CCDC88C: variants seen among roughly 807,000 people sequenced by gnomAD.
CCDC88C encodes protein Daple.
CCDC88C carries 131 observed loss-of-function variants against 198.8 expected under a neutral mutation model. The ratio of observed to expected loss-of-function variants is 0.66; its 90% CI spans 0.57 to 0.76. The LOEUF is 0.76. Ranked by LOEUF, CCDC88C falls within the 30% of genes least tolerant of loss-of-function variation. The pLI, the probability that CCDC88C is intolerant of heterozygous loss-of-function variation, is 0.00. For synonymous variants in CCDC88C, 1,166 were observed against 1,114.7 expected (o/e 1.05, Z -0.92); for missense variants, 2,553 against 2,631.6 (o/e 0.97, Z 0.65).
chr14:91,337,977 C>T, intron 10 of CCDC88C, 28 bp downstream of exon 10: 1 of 1,605,658 alleles, frequency 6.2e-7, no homozygotes, highest in Non-Finnish European at 8.5e-7. Flanking sequence ...GCAGCCCCAT[C>T]CAGGGGCCTC....
chr14:91,374,956 C>T (rs989339422), intron 3 of CCDC88C, among the ~76,000 whole-genome samples: 1 of 152,190 alleles, frequency 6.6e-6, no homozygotes, highest in Non-Finnish European at 1.5e-5. Context: ...GGTGACACTC[C>T]CTTACGGAGC....
chr14:91,389,839 G>T (rs552323043), intron 3 of CCDC88C, among the ~76,000 whole-genome samples: 1 of 151,956 alleles, frequency 6.6e-6, no homozygotes. Flanking sequence ...TTGGGAGGCC[G>T]AGGCGGGCGG....
rs773601084 is a variant in CCDC88C at position 91,313,429 on chromosome 14, C to T, written c.2387G>A (p.Arg796His). ...CTCCAGGTCCCGCCGCAGCGCCTGG[C>T]GCTCAGCCTCCAGCTCGCCCAGCTC... ...ESELGELEAE[R>H]QALRRDLEAL... is the part of the protein sequence containing the mutation. Residue 796 changes from arginine (R) to histidine (H), a missense_variant, in exon 15 of 30, where the codon CGC becomes CAC. Arg to His is a conservative substitution (Grantham distance 29, BLOSUM62 0). Around this residue, in one of 2 missense-constraint regions of CCDC88C, gnomAD observed 1,260 missense variants for 1,412.0 expected, o/e 0.89. Transcript: ENST00000389857. This position sits in a 1 kb window ranked among gnomAD's most constrained non-coding sequence, Gnocchi z 5.2. 25 of 1,607,434 alleles carry T rather than the reference C, an allele frequency of 1.6e-5. No individual in the cohort carries two copies. The highest frequency in any genetic ancestry group is 1.3e-4 in the East Asian group (6 of 44,858).
In CCDC88C at chr14:91,291,099, G is replaced by A; in HGVS notation, c.4113-15C>T. 7.3e-7 allele frequency: 1 copy of A among 1,376,696 alleles called. No individual in the cohort carries two copies. The highest frequency in any genetic ancestry group is 1.0e-6 in the Non-Finnish European group (1 of 981,494). The allele number at this position is 1,376,696 out of a possible 1,614,324, so 85.3% of individuals were successfully genotyped here. On this transcript the variant is annotated splice_polypyrimidine_tract_variant and intron_variant, in intron 23 of 29. Transcript: ENST00000389857. ...TTAATTTGTCTCTGTGAATATAGGA[G>A]AAAGAAAACCTATCAATCCAGTTTT...
chr14:91,396,963 A>G (rs1885882981), intron 3 of CCDC88C, among the ~76,000 whole-genome samples: 1 of 151,932 alleles, frequency 6.6e-6, no homozygotes, highest in Admixed American at 6.6e-5. Flanking sequence ...CCGTGATCGC[A>G]CCACTGCACT....
chr14:91,289,135 G>A lies in CCDC88C; in HGVS notation c.4411C>T (p.Arg1471Cys), dbSNP rs568447378. The part of the protein sequence containing the change: ...PALGSNCAEE[R>C]DAHNGSVGKG... ...CCCACAGACCCGTTGTGGGCGTCGC[G>A]CTCTTCTGCACAGTTGGAGCCCAGT... is the stretch of plus-strand genomic sequence containing the variant. Residue 1471 changes from arginine to cysteine, a missense_variant, in exon 25 of 30, where the codon CGC becomes TGC. Transcript: ENST00000389857. The A allele has an allele frequency of 8.0e-5, 129 of 1,613,218 alleles. 1 individual carries two copies. In the South Asian group the frequency reaches 1.3e-3, roughly 17 times the overall value.
At chr14:91,361,892 G>A (rs1894319563) in intron 3 of CCDC88C, among the ~76,000 whole-genome samples, 1 of 152,136 alleles carries the variant, frequency 6.6e-6, no homozygotes, top group Non-Finnish European at 1.5e-5. Flanking sequence ...AAAGGAGAGT[G>A]CCCAATGACA....
chr14:91,343,805 A>T (rs988124448), intron 4 of CCDC88C, 148 bp from the exon 5 acceptor site: 6 of 911,604 alleles, frequency 6.6e-6, no homozygotes, highest in Non-Finnish European at 1.7e-6. Flanking sequence ...TCGATCTTCC[A>T]TGTGTGGCTT....
At position 91,272,392 on chromosome 14, in the gene CCDC88C, A is replaced by G. The variant is rs1159300890; in HGVS notation, c.*233T>C. 2.0e-5 allele frequency: 11 copies of G among 549,356 alleles called. No homozygotes were observed. Among genetic ancestry groups the G allele is most frequent in the Middle Eastern group, 4.7e-4 (1 of 2,134 alleles). The allele number at this position is 549,356 out of a possible 1,614,324, so 34.0% of individuals were successfully genotyped here. A position where few individuals can be genotyped will look rare whatever the true frequency, so the allele number is the denominator to read the frequency against. ...CTGACGTGGATTATTTGTTCCAAAGATATCAGCTGCTGGAAGCGGCAGACA... is the reference window on the plus strand; with the variant it reads ...CTGACGTGGATTATTTGTTCCAAAGGTATCAGCTGCTGGAAGCGGCAGACA... On this transcript the variant is annotated 3_prime_UTR_variant, in exon 30 of 30. Coordinates refer to ENST00000389857, the MANE Select transcript of CCDC88C (RefSeq NM_001080414.4).
chr14:91,272,855 T>C lies in CCDC88C; in HGVS notation c.5857A>G (p.Ile1953Val), dbSNP rs1222727824. ...APPRSGEVATITPVRAGLSLS... is the reference protein window; with the variant it reads ...APPRSGEVATVTPVRAGLSLS... ...CTGAGCCCTGCCCGGACAGGGGTGA[T>C]GGTGGCCACCTCCCCTGAGCGTGGG... The change falls in exon 30 of 30, where the codon ATC becomes GTC. Residue 1953 changes from isoleucine (I) to valine (V), a missense_variant. By Grantham distance (29) the Ile-to-Val change is conservative. Around this residue, in one of 2 missense-constraint regions of CCDC88C, gnomAD observed 1,293 missense variants for 1,219.6 expected, o/e 1.06. Coordinates refer to ENST00000389857, the MANE Select transcript of CCDC88C (RefSeq NM_001080414.4). 2 of 1,593,210 alleles carry C rather than the reference T, an allele frequency of 1.3e-6. No individual in the cohort carries two copies. Among genetic ancestry groups the C allele is most frequent in the South Asian group, 1.1e-5 (1 of 89,752 alleles).
At chr14:91,306,465 G>C (rs1379024074) in intron 18 of CCDC88C, among the ~76,000 whole-genome samples, 3 of 152,210 alleles carry the variant, frequency 2.0e-5, no homozygotes, top group Non-Finnish European at 4.4e-5. Flanking sequence ...ATGGGGCTTT[G>C]GGTCAAGTCT....
intron 15 of CCDC88C, among the ~76,000 whole-genome samples, chr14:91,312,831 T>C (rs1456520812): frequency 6.6e-6 from 1 of 152,236 alleles, no homozygotes; most frequent in African/African-American, 2.4e-5. Context: ...ACATCAAGCA[T>C]GTGTCTGTAC....
intron 10 of CCDC88C, among the ~76,000 whole-genome samples, chr14:91,329,702 T>A (rs1018547414): frequency 5.3e-5 from 8 of 152,218 alleles, no homozygotes; most frequent in African/African-American, 1.9e-4. Flanking sequence ...AGTTTCCTCA[T>A]CTGAAAAGAG....
rs979239156 is a variant in CCDC88C, at chr14:91,325,975, C to T, written c.1132G>A (p.Asp378Asn). 7 of 1,580,432 alleles carry T rather than the reference C, an allele frequency of 4.4e-6. No homozygotes were observed. The highest frequency in any genetic ancestry group is 2.7e-5 in the African/African-American group (2 of 74,200). Residue 378 changes from aspartate (D) to asparagine (N), a missense_variant, in exon 11 of 30, where the codon GAT (aspartate) becomes AAT (asparagine). Around this residue, in one of 2 missense-constraint regions of CCDC88C, gnomAD observed 1,260 missense variants for 1,412.0 expected, o/e 0.89. Transcript: ENST00000389857. The surrounding 1 kb of genome is among the most constrained non-coding windows in gnomAD (Gnocchi z 4.1). Reference protein sequence around the residue: ...EQLTAARARGDKVHELEKENL... With the variant: ...EQLTAARARGNKVHELEKENL... ...TCCTTTTCCAGCTCATGGACTTTAT[C>T]GCCCCGGGCCCGAGCAGCAGTCAGC...
intron 10 of CCDC88C, among the ~76,000 whole-genome samples, chr14:91,327,289 G>C (rs373048870): frequency 6.6e-6 from 1 of 152,204 alleles, no homozygotes; most frequent in Non-Finnish European, 1.5e-5. Context: ...TCCTGGTGGA[G>C]GGGAAGCCAC....
rs1747994347 is a variant in CCDC88C, at chr14:91,288,925, T to C, written c.4441+180A>G. On this transcript the variant is annotated intron_variant, in intron 25 of 29. Coordinates refer to ENST00000389857, the MANE Select transcript of CCDC88C (RefSeq NM_001080414.4). This position sits in a 1 kb window ranked among gnomAD's most constrained non-coding sequence, Gnocchi z 4.2. ...ATATAAAATAAAGTAACAAAAGCAT[T>C]ATGGGACAAAACGGTCGCCACGCTG... is the stretch of plus-strand genomic sequence containing the variant. 8.8e-6 allele frequency: 5 copies of C among 566,904 alleles called. No individual in the cohort carries two copies. The South Asian group carries it at 1.2e-4, about 14-fold the overall frequency. The allele number at this position is 566,904 out of a possible 1,614,324, so 35.1% of individuals were successfully genotyped here. A position where few individuals can be genotyped will look rare whatever the true frequency, so the allele number is the denominator to read the frequency against.
intron 10 of CCDC88C, among the ~76,000 whole-genome samples, 180 bp from the exon 11 acceptor site, chr14:91,326,236 C>T (rs577493579): frequency 3.3e-5 from 5 of 151,666 alleles, no homozygotes; most frequent in African/African-American, 4.8e-5. Context: ...TTTTTTGAGA[C>T]GGAATGTCAC....
At position 91,371,591 on chromosome 14, in the gene CCDC88C, C is replaced by G. The variant is rs1894807421; in HGVS notation, c.271-11880G>C. On this transcript the variant is annotated intron_variant, in intron 3 of 29. Transcript: ENST00000389857. The surrounding 1 kb of genome is among the most constrained non-coding windows in gnomAD (Gnocchi z 4.2). ...GGACCAAGACTGCCTCCCACACCCT[C>G]CAGTCAGGGGTGGCTCTAGCTGATT... Among the ~76,000 whole-genome samples, 2 of 152,170 alleles carry G rather than the reference C, an allele frequency of 1.3e-5. No homozygotes were observed. Among genetic ancestry groups the G allele is most frequent in the Non-Finnish European group, 2.9e-5 (2 of 68,014 alleles).
chr14:91,308,305 G>A, intron 17 of CCDC88C, 46 bp downstream of exon 17: 1 of 1,608,544 alleles, frequency 6.2e-7, no homozygotes, highest in Non-Finnish European at 8.5e-7. Context: ...AAAGGGTGAG[G>A]CTGAGAATGG....
Sources: gnomAD v4.1 joint callset for allele counts (sites outside exome capture counted in the v4.1 genomes callset) on GRCh38, gnomAD v4.1.1 for gene constraint, gnomAD v4.1.1 regional missense constraint, Gnocchi (gnomAD v3.1) non-coding constraint, MANE v1.5 for transcripts, NCBI Gene and HGNC (gene_info 2026-07-23, HGNC 2026-07-21) for gene names.